CRYZ: variants seen among roughly 807,000 people sequenced by gnomAD.
The protein encoded by CRYZ is zeta-crystallin.
In CRYZ, 35 loss-of-function variants were observed where a neutral mutation model predicts 34.1. The ratio of observed to expected loss-of-function variants is 1.03; its 90% CI spans 0.78 to 1.36. The LOEUF is 1.36. Among genes scored for constraint, CRYZ ranks in the 40% most tolerant of loss-of-function variants. CRYZ has a pLI of 0.00. For missense variants in CRYZ, 403 were observed against 391.8 expected, an observed-to-expected ratio of 1.03 and a Z score of -0.24; for synonymous variants, 137 against 136.5, an observed-to-expected ratio of 1.00 and a Z score of -0.03.
chr1:74,731,960 C>T (rs976896320), intron 1 of CRYZ, among the ~76,000 whole-genome samples: 2 of 152,210 alleles, frequency 1.3e-5, no homozygotes, highest in African/African-American at 4.8e-5. Context: ...ATACATTTCT[C>T]TCAAAGACTG....
At chr1:74,720,578 G>A (rs1206322980) in intron 3 of CRYZ, among the ~76,000 whole-genome samples, 1 of 152,078 alleles carries the variant, frequency 6.6e-6, no homozygotes, top group Admixed American at 6.6e-5. Context: ...TGATTGCTCA[G>A]TATACTTTAA....
At chr1:74,732,245 T>C (rs1193925766) in intron 1 of CRYZ, among the ~76,000 whole-genome samples, 8 of 129,696 alleles carry the variant, frequency 6.2e-5, no homozygotes, top group African/African-American at 2.4e-4. Flanking sequence ...TCAAATCCCC[T>C]ACAGCTGGGC....
At chr1:74,710,338 C>A in intron 5 of CRYZ, 91 bp from the exon 6 acceptor site, 1 of 1,223,682 alleles carries the variant, frequency 8.2e-7, no homozygotes, top group East Asian at 2.4e-5. Flanking sequence ...TCCTATAGGA[C>A]CCACCCTAAC....
At chr1:74,723,658 C>T (rs533210469) in intron 2 of CRYZ, among the ~76,000 whole-genome samples, 2 of 152,280 alleles carry the variant, frequency 1.3e-5, no homozygotes, top group Admixed American at 6.5e-5. Flanking sequence ...GCAAAAGTGA[C>T]AGTAGACACT....
chr1:74,722,256 G>T (rs1647175952), intron 3 of CRYZ, among the ~76,000 whole-genome samples: 1 of 152,090 alleles, frequency 6.6e-6, no homozygotes, highest in Non-Finnish European at 1.5e-5. Flanking sequence ...AGAAGCTGCA[G>T]AAAAAGTTTA....
chr1:74,723,384 A>C, intron 2 of CRYZ, 114 bp from the exon 3 acceptor site: 1 of 944,472 alleles, frequency 1.1e-6, no homozygotes. Context: ...AGCAAAACAA[A>C]TAAGTGCTTG....
intron 2 of CRYZ, among the ~76,000 whole-genome samples, chr1:74,723,839 G>T (rs1446260916): frequency 1.3e-5 from 2 of 152,168 alleles, no homozygotes; most frequent in Non-Finnish European, 2.9e-5. Flanking sequence ...TTTAAATTTA[G>T]TGTATAAGAA....
At chr1:74,730,764 C>T (rs1184889730) in intron 1 of CRYZ, among the ~76,000 whole-genome samples, 1 of 152,158 alleles carries the variant, frequency 6.6e-6, no homozygotes, top group African/African-American at 2.4e-5. Flanking sequence ...CTTTGAGATG[C>T]TGGCATATAA....
chr1:74,706,048 C>A lies in CRYZ; in HGVS notation c.*248G>T, dbSNP rs1417982226. ...AGAATTACTGGAATGCACACTCATG[C>A]CAAATGACAACTAACATGTTATTTC... On this transcript the variant is annotated 3_prime_UTR_variant, in exon 9 of 9. Transcript: ENST00000340866. 4 of 344,556 alleles carry A rather than the reference C, an allele frequency of 1.2e-5. No homozygotes were observed. The highest frequency in any genetic ancestry group is 8.5e-5 in the African/African-American group (4 of 47,170). The allele number at this position is 344,556 out of a possible 1,614,324, so 21.3% of individuals were successfully genotyped here.
chr1:74,724,411 G>C (rs1647232046), intron 2 of CRYZ, among the ~76,000 whole-genome samples: 1 of 152,114 alleles, frequency 6.6e-6, no homozygotes. Context: ...GTTTGTAATA[G>C]AATAACTTAT....
chr1:74,714,675 A>G (rs1235744565), intron 4 of CRYZ, 45 bp from the exon 5 acceptor site: 1 of 1,600,950 alleles, frequency 6.2e-7, no homozygotes, highest in Non-Finnish European at 8.6e-7. Flanking sequence ...TTTTGAAGCT[A>G]ATTAATCTCG....
At chr1:74,717,637 CTA>C (rs1188571725) in intron 4 of CRYZ, among the ~76,000 whole-genome samples, 1 of 152,190 alleles carries the variant, frequency 6.6e-6, no homozygotes, top group East Asian at 1.9e-4. Context: ...CTGTCATTAT[CTA>C]TGTTTCTCAA....
chr1:74,725,748 TTCTGCCTATCAGCCTGTAAAATCAA>T (rs961190333), intron 1 of CRYZ, among the ~76,000 whole-genome samples: 40 of 152,208 alleles, frequency 2.6e-4, no homozygotes, highest in African/African-American at 9.7e-4. Flanking sequence ...GGCAACTCTC[TTCTGCCTATCAGCCTGTAAAATCAA>T]AAGCAAGTTA....
intron 2 of CRYZ, 42 bp from the exon 3 acceptor site, chr1:74,723,312 C>A (rs751972307): frequency 1.1e-5 from 18 of 1,589,690 alleles, no homozygotes; most frequent in Non-Finnish European, 8.6e-7. Context: ...AGAATTTAGG[C>A]ATTCATTTAA....
intron 1 of CRYZ, 150 bp from the exon 2 acceptor site, chr1:74,724,984 T>C (rs1647261353): frequency 3.7e-6 from 2 of 546,784 alleles, no homozygotes; most frequent in Non-Finnish European, 6.5e-6. Flanking sequence ...TTTAAGGACC[T>C]TTCATCTTAC....
chr1:74,706,915 A>C lies in CRYZ; in HGVS notation c.812T>G (p.Leu271Arg). ...TTTTCCTACCTTGGTTGAGGAAAAG[A>C]GAGTAACTCCAATTATACTCGACTC... ...AKESSIIGVT[L>R]FSSTKEEFQQ... The change falls in exon 8 of 9, where the codon CTC (leucine) becomes CGC (arginine). Residue 271 changes from leucine to arginine, a missense_variant. Physicochemically the swap from Leu to Arg is moderately radical, Grantham distance 102. Coordinates refer to ENST00000340866, the MANE Select transcript of CRYZ (RefSeq NM_001889.4). 4 of 1,612,808 alleles carry C rather than the reference A, an allele frequency of 2.5e-6. No individual in the cohort carries two copies. Among genetic ancestry groups the C allele is most frequent in the Non-Finnish European group, 3.4e-6 (4 of 1,179,106 alleles).
At chr1:74,708,340 T>C (rs1393880719) in intron 6 of CRYZ, 1 of 152,152 alleles carries the variant, frequency 6.6e-6, no homozygotes, top group Non-Finnish European at 1.5e-5. Context: ...CAGGGGTTTA[T>C]TACTGCATGT....
intron 1 of CRYZ, among the ~76,000 whole-genome samples, chr1:74,730,074 A>C (rs1430096088): frequency 6.6e-6 from 1 of 152,212 alleles, no homozygotes; most frequent in African/African-American, 2.4e-5. Flanking sequence ...ATTACCATAA[A>C]AAAACTGTTG....
intron 8 of CRYZ, 36 bp from the exon 9 acceptor site, chr1:74,706,493 A>C (rs773765625): frequency 6.4e-7 from 1 of 1,556,792 alleles, no homozygotes; most frequent in Non-Finnish European, 8.7e-7. Flanking sequence ...TTTTGTAGTG[A>C]ACCGTATGAT....
Sources: gnomAD v4.1 joint callset for allele counts (sites outside exome capture counted in the v4.1 genomes callset) on GRCh38, gnomAD v4.1.1 for gene constraint, MANE v1.5 for transcripts, NCBI Gene and HGNC (gene_info 2026-07-23, HGNC 2026-07-21) for gene names.